MACROD2: variants seen among roughly 807,000 people sequenced by gnomAD.
MACROD2 encodes ADP-ribose glycohydrolase MACROD2.
In MACROD2, 36 loss-of-function variants were observed where a neutral mutation model predicts 70.4. The observed-to-expected ratio is 0.51, with a 90% confidence interval of 0.39 to 0.68. The LOEUF (loss-of-function observed/expected upper bound fraction) is 0.68. Among genes scored for constraint, MACROD2 ranks in the 30% least tolerant of loss-of-function variants. The probability of loss-of-function intolerance (pLI) is 0.00; values close to 1 mark genes in which losing one functional copy is unlikely to be tolerated. For synonymous variants in MACROD2, 172 were observed against 178.8 expected (o/e 0.96, Z 0.30); for missense variants, 496 against 538.4 (o/e 0.92, Z 0.78).
At chr20:15,933,098 G>A (rs182102743) in intron 10 of MACROD2, among the ~76,000 whole-genome samples, 178 bp from the exon 11 acceptor site, 1 of 152,158 alleles carries the variant, frequency 6.6e-6, no homozygotes, top group Non-Finnish European at 1.5e-5. Context: ...GAGTATAAAT[G>A]CACTTATTTA....
chr20:14,627,427 C>T (rs954259686), intron 4 of MACROD2, among the ~76,000 whole-genome samples: 1 of 152,106 alleles, frequency 6.6e-6, no homozygotes, highest in Non-Finnish European at 1.5e-5. Flanking sequence ...ATCTCAGGTT[C>T]AGAGGTCCCA....
intron 3 of MACROD2, among the ~76,000 whole-genome samples, chr20:14,287,838 T>C (rs1361249425): frequency 6.6e-6 from 1 of 152,158 alleles, no homozygotes; most frequent in African/African-American, 2.4e-5. Context: ...CCCTCGGCTC[T>C]TAGAGATCAC....
At chr20:15,674,235 G>A (rs1421243214) in intron 8 of MACROD2, among the ~76,000 whole-genome samples, 3 of 152,120 alleles carry the variant, frequency 2.0e-5, no homozygotes, top group Non-Finnish European at 4.4e-5. Context: ...CTATAAGGGA[G>A]AACGGAAGGG....
intron 5 of MACROD2, among the ~76,000 whole-genome samples, chr20:15,131,540 T>G (rs181048347): frequency 4.7e-4 from 72 of 152,156 alleles, no homozygotes; most frequent in African/African-American, 1.7e-3. Flanking sequence ...ATCATTTAAG[T>G]ATAGATGGAA....
intron 4 of MACROD2, among the ~76,000 whole-genome samples, chr20:14,497,558 G>T (rs77351376): frequency 1.3e-5 from 2 of 151,446 alleles, no homozygotes. Context: ...TTTCATTGAC[G>T]TAATAGTTAA....
intron 4 of MACROD2, among the ~76,000 whole-genome samples, chr20:14,505,478 A>G (rs565625916): frequency 6.6e-6 from 1 of 152,316 alleles, no homozygotes; most frequent in African/African-American, 2.4e-5. Context: ...AATACAAGAT[A>G]ACTTTGATAA....
intron 2 of MACROD2, among the ~76,000 whole-genome samples, chr20:14,006,756 C>T (rs1469842693): frequency 6.6e-6 from 1 of 152,144 alleles, no homozygotes; most frequent in Middle Eastern, 3.4e-3. Context: ...TTGTTGAATA[C>T]ACTAGGCTGT....
intron 4 of MACROD2, among the ~76,000 whole-genome samples, chr20:14,548,432 T>G (rs1978414567): frequency 1.4e-5 from 1 of 72,932 alleles, no homozygotes; most frequent in Admixed American, 1.8e-4. Flanking sequence ...TAAAATACAT[T>G]ATCTGGCCGG....
At chr20:14,898,427 A>G (rs963709483) in intron 5 of MACROD2, among the ~76,000 whole-genome samples, 1 of 152,158 alleles carries the variant, frequency 6.6e-6, no homozygotes, top group Admixed American at 6.5e-5. Context: ...GGTCAATTCA[A>G]CTAATAACAT....
chr20:15,429,331 A>G (rs2046337113), intron 6 of MACROD2, among the ~76,000 whole-genome samples: 1 of 152,178 alleles, frequency 6.6e-6, no homozygotes, highest in African/African-American at 2.4e-5. Context: ...GCATTGACTC[A>G]TAAATTTAAT....
chr20:16,028,801 C>A (rs1197950084), intron 15 of MACROD2, among the ~76,000 whole-genome samples: 1 of 152,084 alleles, frequency 6.6e-6, no homozygotes, highest in Admixed American at 6.5e-5. Flanking sequence ...GTTCAGTGGT[C>A]AAGTAGCAGC....
chr20:15,314,090 T>C (rs1243895538), intron 6 of MACROD2, among the ~76,000 whole-genome samples: 9 of 152,122 alleles, frequency 5.9e-5, no homozygotes, highest in Non-Finnish European at 2.9e-5. Flanking sequence ...GACCAGTAAG[T>C]TTTACCCAGT....
At chr20:13,997,675 TC>T (rs1462193328) in intron 1 of MACROD2, among the ~76,000 whole-genome samples, 1 of 152,300 alleles carries the variant, frequency 6.6e-6, no homozygotes, top group East Asian at 1.9e-4. Context: ...CAATTTTTTT[TC>T]CTAAGGAAGC....
At chr20:15,213,915 T>C (rs1170482658) in intron 5 of MACROD2, among the ~76,000 whole-genome samples, 1 of 152,066 alleles carries the variant, frequency 6.6e-6, no homozygotes, top group African/African-American at 2.4e-5. Context: ...TTTTTATTTT[T>C]TGTTTTTTTG....
At chr20:15,678,157 G>A (rs971354597) in intron 8 of MACROD2, among the ~76,000 whole-genome samples, 1 of 152,142 alleles carries the variant, frequency 6.6e-6, no homozygotes, top group East Asian at 1.9e-4. Flanking sequence ...GAACACACAA[G>A]TAGTAAATTA....
chr20:14,485,545 CA>C (rs1471489998), intron 3 of MACROD2, among the ~76,000 whole-genome samples: 1 of 151,594 alleles, frequency 6.6e-6, no homozygotes, highest in Admixed American at 6.6e-5. Flanking sequence ...ACTAAAAATA[CA>C]AAAAATTAGC....
At chr20:15,894,165 G>A (rs2064933965) in intron 10 of MACROD2, among the ~76,000 whole-genome samples, 1 of 152,210 alleles carries the variant, frequency 6.6e-6, no homozygotes, top group African/African-American at 2.4e-5. Context: ...CTCTTGAGCT[G>A]CTCACATGCA....
chr20:15,425,026 A>C lies in MACROD2; in HGVS notation c.541-6379A>C, dbSNP rs186852581. Among the ~76,000 whole-genome samples the C allele has an allele frequency of 5.6e-4, 86 of 152,332 alleles. 2 individuals are homozygous for C. Among genetic ancestry groups the C allele is most frequent in the Admixed American group, 2.9e-3 (44 of 15,302 alleles). ...CCCTTTGTTGGAAGCTCTGGCATGA[A>C]AAAAGAAAGAGCTACGCGCAAAACT... On this transcript the variant is annotated intron_variant, in intron 6 of 17. Coordinates refer to ENST00000684519, the MANE Select transcript of MACROD2 (RefSeq NM_001351661.2).
At chr20:15,894,306 A>G (rs1483635912) in intron 10 of MACROD2, among the ~76,000 whole-genome samples, 43 of 152,342 alleles carry the variant, frequency 2.8e-4, no homozygotes, top group Admixed American at 6.5e-5. Flanking sequence ...TCAAAGCATT[A>G]GCTTGAATAC....
Sources: allele counts gnomAD v4.1 joint callset (sites outside exome capture counted in the v4.1 genomes callset), GRCh38; gene constraint gnomAD v4.1.1; transcripts MANE v1.5; gene names NCBI Gene and HGNC (gene_info 2026-07-23, HGNC 2026-07-21).